The following WDR49 variants were observed in gnomAD, a reference collection of about 807,000 sequenced individuals.
The protein encoded by WDR49 is WD repeat domain 49.
WDR49 carries 107 observed loss-of-function variants against 119.5 expected under a neutral mutation model. The observed-to-expected ratio is 0.90, with a 90% CI of 0.77 to 1.05. The LOEUF is 1.05. WDR49 is among the 50% of genes least tolerant of loss of function. WDR49 has a pLI of 0.00. For synonymous variants in WDR49, 425 were observed against 418.8 expected (o/e 1.01, Z -0.18); for missense variants, 1,240 against 1,220.5 (o/e 1.02, Z -0.24).
intron 15 of WDR49, among the ~76,000 whole-genome samples, chr3:167,526,587 CCTGA>C: frequency 6.6e-6 from 1 of 152,206 alleles, no homozygotes; most frequent in South Asian, 2.1e-4. Flanking sequence ...CGCTTTTTTT[CCTGA>C]CTGAGAAAAG....
chr3:167,500,361 T>G (rs1751515785), intron 17 of WDR49, 62 bp from the exon 18 acceptor site: 4 of 1,563,954 alleles, frequency 2.6e-6, no homozygotes, highest in Non-Finnish European at 3.5e-6. Context: ...CATTAACTCC[T>G]TGGAAAGAGC....
At chr3:167,578,423 A>G (rs1714362783) in intron 7 of WDR49, among the ~76,000 whole-genome samples, 1 of 152,134 alleles carries the variant, frequency 6.6e-6, no homozygotes, top group Non-Finnish European at 1.5e-5. Flanking sequence ...ACAACACTAA[A>G]TAATATAATT....
intron 8 of WDR49, among the ~76,000 whole-genome samples, chr3:167,573,476 G>C (rs1714060176): frequency 6.6e-6 from 1 of 150,414 alleles, no homozygotes; most frequent in Non-Finnish European, 1.5e-5. Flanking sequence ...TACCATATTA[G>C]ATATTTATAG....
intron 10 of WDR49, among the ~76,000 whole-genome samples, chr3:167,548,774 T>C (rs557886830): frequency 6.6e-6 from 1 of 152,252 alleles, no homozygotes; most frequent in Non-Finnish European, 1.5e-5. Context: ...ACATGTGCCA[T>C]GTTGGTGTGC....
chr3:167,615,204 G>A (rs1035258686), intron 5 of WDR49, among the ~76,000 whole-genome samples: 3 of 151,794 alleles, frequency 2.0e-5, no homozygotes, highest in African/African-American at 4.8e-5. Context: ...TGGTGATCAC[G>A]GCTCACTGCA....
chr3:167,655,931 A>G (rs1209691392), upstream of WDR49, among the ~76,000 whole-genome samples: 1 of 151,956 alleles, frequency 6.6e-6, no homozygotes, highest in East Asian at 1.9e-4. Context: ...CTCTCTATAT[A>G]TATATATGCC....
At chr3:167,482,609 G>A (rs528817729) in intron 18 of WDR49, among the ~76,000 whole-genome samples, 26 of 151,296 alleles carry the variant, frequency 1.7e-4, no homozygotes, top group Non-Finnish European at 3.5e-4. Flanking sequence ...AACCCGGGAG[G>A]CAGAGCTTGC....
At position 167,482,435 on chromosome 3, in the gene WDR49, C is replaced by T. The variant is rs113450473; in HGVS notation, c.3032-3439G>A. ...CTGTAATCCCAACACTTTGGGAGGC[C>T]GAGGCGGGCGGATCATGAGGTCAGG... On this transcript the variant is annotated intron_variant, in intron 18 of 18. Transcript: ENST00000682715. Among the ~76,000 whole-genome samples the T allele has an allele frequency of 5.4e-3, 825 of 151,392 alleles. 8 individuals are homozygous for T. Among genetic ancestry groups the T allele is most frequent in the African/African-American group, 0.019 (780 of 41,266 alleles).
At chr3:167,612,795 G>A (rs541423915) in intron 5 of WDR49, among the ~76,000 whole-genome samples, 17 of 152,006 alleles carry the variant, frequency 1.1e-4, no homozygotes, top group African/African-American at 3.9e-4. Context: ...AAATCAGCCA[G>A]GCACAAAAAG....
chr3:167,607,653 C>T (rs1374652312), intron 5 of WDR49, among the ~76,000 whole-genome samples: 1 of 152,098 alleles, frequency 6.6e-6, no homozygotes, highest in Admixed American at 6.6e-5. Flanking sequence ...GTGCTATTGC[C>T]TCCGTCTTTT....
At chr3:167,621,348 C>A in intron 4 of WDR49, 119 bp downstream of exon 4, 1 of 1,027,766 alleles carries the variant, frequency 9.7e-7, no homozygotes, top group East Asian at 2.7e-5. Context: ...GTCCAATGTG[C>A]ATGTAATCCA....
chr3:167,609,572 A>C (rs527650833), intron 5 of WDR49, among the ~76,000 whole-genome samples: 15 of 152,310 alleles, frequency 9.8e-5, no homozygotes, highest in Admixed American at 3.9e-4. Flanking sequence ...GGGCTACAGC[A>C]CTGTTTGTCT....
chr3:167,596,365 A>C lies in WDR49; in HGVS notation c.1275+5762T>G, dbSNP rs1376243785. On this transcript the variant is annotated intron_variant, in intron 7 of 18. Transcript: ENST00000682715. ...TACCATTTGACCCAGCCATCCCATT[A>C]CTGGGTATATACCCAAAGGACTATA... is the stretch of plus-strand genomic sequence containing the variant. Among the ~76,000 whole-genome samples the C allele has an allele frequency of 9.3e-5, 14 of 149,984 alleles. No individual in the cohort carries two copies. In the East Asian group the frequency reaches 2.6e-3, roughly 28 times the overall value.
intron 14 of WDR49, among the ~76,000 whole-genome samples, 157 bp from the exon 15 acceptor site, chr3:167,528,174 G>A (rs936994465): frequency 6.6e-6 from 1 of 151,708 alleles, no homozygotes; most frequent in Non-Finnish European, 1.5e-5. Context: ...GCTAGAAAAC[G>A]AAATTACATT....
intron 18 of WDR49, among the ~76,000 whole-genome samples, chr3:167,488,596 T>G (rs1158661620): frequency 2.0e-5 from 3 of 152,090 alleles, no homozygotes; most frequent in Non-Finnish European, 4.4e-5. Flanking sequence ...TCCCATATGA[T>G]CACAAGCTTA....
At chr3:167,523,020 T>C (rs1318597527) in intron 15 of WDR49, among the ~76,000 whole-genome samples, 1 of 152,180 alleles carries the variant, frequency 6.6e-6, no homozygotes, top group Admixed American at 6.6e-5. Flanking sequence ...CAATCTATTT[T>C]ATGTTTTAAA....
At chr3:167,516,531 G>A (rs1267977752) in intron 16 of WDR49, among the ~76,000 whole-genome samples, 4 of 152,014 alleles carry the variant, frequency 2.6e-5, no homozygotes, top group South Asian at 2.1e-4. Context: ...CCAAGTCGTC[G>A]TTATTGTGAA....
intron 16 of WDR49, among the ~76,000 whole-genome samples, chr3:167,506,970 TA>T (rs1751793936): frequency 6.6e-6 from 1 of 152,162 alleles, no homozygotes; most frequent in South Asian, 2.1e-4. Context: ...CTGCTGCTCT[TA>T]TTGCATCAAA....
intron 2 of WDR49, among the ~76,000 whole-genome samples, chr3:167,639,955 T>C (rs182051798): frequency 1.2e-3 from 187 of 151,878 alleles, no homozygotes; most frequent in Non-Finnish European, 2.4e-3. Context: ...TGTCCCTCTA[T>C]ACTACTAGGA....
Sources: allele counts gnomAD v4.1 joint callset (sites outside exome capture counted in the v4.1 genomes callset), GRCh38; gene constraint gnomAD v4.1.1; transcripts MANE v1.5; gene names NCBI Gene and HGNC (gene_info 2026-07-23, HGNC 2026-07-21).